STPG2: variants seen among roughly 807,000 people sequenced by gnomAD.
STPG2 encodes the protein sperm-tail PG-rich repeat-containing protein 2.
In STPG2, 56 loss-of-function variants were observed where a neutral mutation model predicts 54.2. That is an observed-to-expected ratio of 1.03 (90% CI 0.83 to 1.29). The LOEUF is 1.29. Among genes scored for constraint, STPG2 ranks in the 50% most tolerant of loss-of-function variants. The pLI, the probability that STPG2 is intolerant of heterozygous loss-of-function variation, is 0.00. For synonymous variants in STPG2, 200 were observed against 181.8 expected (o/e 1.10, Z -0.81); for missense variants, 596 against 544.9 (o/e 1.09, Z -0.93).
intron 4 of STPG2, among the ~76,000 whole-genome samples, chr4:97,487,695 G>A (rs76190746): frequency 0.016 from 2,460 of 151,248 alleles, 63 homozygotes; most frequent in African/African-American, 0.057. Flanking sequence ...ACTAATGGTT[G>A]GATTAAGTTT....
chr4:97,723,454 G>GT (rs754707416), intron 9 of STPG2, among the ~76,000 whole-genome samples: 3 of 152,122 alleles, frequency 2.0e-5, no homozygotes, highest in Non-Finnish European at 4.4e-5. Context: ...AAACATGCAA[G>GT]TGTACCCACT....
rs111720937 is a variant in STPG2 at position 97,972,338 on chromosome 4, C to T, written c.875G>A (p.Arg292Gln). Reference protein sequence around the residue: ...KKSAFGSSVPRTFFSVQKEAC... With the variant: ...KKSAFGSSVPQTFFSVQKEAC... ...TTCTTTCTGAACCGAGAAGAAAGTC[C>T]GAGGAACAGAAGAACCAAATGCACT... Residue 292 changes from arginine (R) to glutamine (Q), a missense_variant, in exon 7 of 11, where the codon CGG (arginine) becomes CAG (glutamine). Coordinates refer to ENST00000295268, the MANE Select transcript of STPG2 (RefSeq NM_174952.3). 1,021 of 1,609,164 alleles carry T rather than the reference C, an allele frequency of 6.3e-4. 5 individuals carry two copies. In the African/African-American group the frequency reaches 0.011, roughly 18 times the overall value.
chr4:97,810,462 CAA>C (rs11386288), intron 9 of STPG2, among the ~76,000 whole-genome samples: 18 of 112,950 alleles, frequency 1.6e-4, no homozygotes, highest in Admixed American at 2.9e-4. Flanking sequence ...GACTCTGTCT[CAA>C]AAAAAAAAAA....
At chr4:97,896,230 G>A (rs1374625293) in intron 8 of STPG2, among the ~76,000 whole-genome samples, 1 of 151,634 alleles carries the variant, frequency 6.6e-6, no homozygotes, top group Non-Finnish European at 1.5e-5. Context: ...TCATCACTGT[G>A]GCAAGAGAGA....
In STPG2 at chr4:97,800,088, C is replaced by T. The variant is rs545364919; in HGVS notation, c.1204+40685G>A. The stretch of plus-strand genomic sequence containing the variant: ...TATTCTAGTTAGCCATTCATCTAAC[C>T]TTTTTTCAAGGTTTTTAGCTTCTTT... On this transcript the variant is annotated intron_variant, in intron 9 of 10. Coordinates refer to ENST00000295268, the MANE Select transcript of STPG2 (RefSeq NM_174952.3). Among the ~76,000 whole-genome samples, 31 of 152,192 alleles carry T rather than the reference C, an allele frequency of 2.0e-4. No individual in the cohort carries two copies. In the East Asian group the frequency reaches 2.3e-3, roughly 11 times the overall value.
intron 4 of STPG2, among the ~76,000 whole-genome samples, chr4:97,493,294 G>C (rs1189664028): frequency 6.6e-6 from 1 of 151,278 alleles, no homozygotes; most frequent in Non-Finnish European, 1.5e-5. Flanking sequence ...CAAATAAACT[G>C]GTTATTGTTA....
At chr4:97,741,514 C>T (rs1457996640) in intron 9 of STPG2, among the ~76,000 whole-genome samples, 3 of 151,758 alleles carry the variant, frequency 2.0e-5, no homozygotes, top group African/African-American at 7.3e-5. Flanking sequence ...AACAAATTTA[C>T]AAGAAAAAAA....
chr4:97,792,825 A>G (rs1032927378), intron 9 of STPG2, among the ~76,000 whole-genome samples: 1 of 152,158 alleles, frequency 6.6e-6, no homozygotes, highest in Non-Finnish European at 1.5e-5. Context: ...ATATACCTGC[A>G]TATCCCCTCA....
intron 8 of STPG2, among the ~76,000 whole-genome samples, chr4:97,874,011 A>G (rs982365730): frequency 6.6e-6 from 1 of 151,584 alleles, no homozygotes; most frequent in African/African-American, 2.4e-5. Context: ...AAATAAAACA[A>G]TGGATAAGTA....
chr4:97,622,702 C>T (rs193257447), intron 10 of STPG2, among the ~76,000 whole-genome samples: 1 of 152,160 alleles, frequency 6.6e-6, no homozygotes, highest in African/African-American at 2.4e-5. Context: ...AAGGAATTTA[C>T]AGACTCAATG....
chr4:97,828,251 G>T (rs1728327321), intron 9 of STPG2, among the ~76,000 whole-genome samples: 1 of 152,154 alleles, frequency 6.6e-6, no homozygotes, highest in African/African-American at 2.4e-5. Context: ...GCCAAAGCAG[G>T]CTGGGGCATC....
chr4:97,975,814 G>T (rs1024490382), intron 6 of STPG2, among the ~76,000 whole-genome samples: 2 of 152,114 alleles, frequency 1.3e-5, no homozygotes, highest in African/African-American at 4.8e-5. Context: ...GTTTGTCCAA[G>T]AACAATCTAC....
chr4:97,540,385 T>A (rs990871068), intron 4 of STPG2, among the ~76,000 whole-genome samples: 1 of 152,100 alleles, frequency 6.6e-6, no homozygotes, highest in Admixed American at 6.6e-5. Context: ...AAGAAATGGA[T>A]AAATTCCTCG....
intron 4 of STPG2, among the ~76,000 whole-genome samples, chr4:97,475,325 C>G (rs1475319908): frequency 2.6e-5 from 4 of 151,252 alleles, no homozygotes; most frequent in African/African-American, 9.7e-5. Flanking sequence ...GGTCATTTAC[C>G]CTTCCTCCAA....
intron 9 of STPG2, among the ~76,000 whole-genome samples, chr4:97,741,047 G>GA (rs1240782525): frequency 6.6e-6 from 1 of 152,028 alleles, no homozygotes; most frequent in Non-Finnish European, 1.5e-5. Flanking sequence ...AGAGCCCTCA[G>GA]AAAAAACACC....
intron 7 of STPG2, among the ~76,000 whole-genome samples, chr4:97,954,992 T>C (rs1375817917): frequency 6.6e-6 from 1 of 152,048 alleles, no homozygotes; most frequent in African/African-American, 2.4e-5. Flanking sequence ...AGAAAAGAAA[T>C]AGTTGAAATC....
chr4:97,707,156 T>A (rs13142828), intron 10 of STPG2, among the ~76,000 whole-genome samples: 1 of 151,856 alleles, frequency 6.6e-6, no homozygotes. Flanking sequence ...TGTAGAAATG[T>A]TGTTGGGGAA....
At chr4:97,573,682 T>C (rs1367980384) in intron 10 of STPG2, among the ~76,000 whole-genome samples, 1 of 152,150 alleles carries the variant, frequency 6.6e-6, no homozygotes, top group African/African-American at 2.4e-5. Context: ...AAATAAATTT[T>C]AAAATGTCCT....
chr4:98,018,077 G>C (rs1290238861), intron 5 of STPG2, among the ~76,000 whole-genome samples: 2 of 151,892 alleles, frequency 1.3e-5, no homozygotes, highest in South Asian at 2.1e-4. Context: ...GTGCAGGTTT[G>C]TTACATATGT....
Sources: allele counts gnomAD v4.1 joint callset (sites outside exome capture counted in the v4.1 genomes callset), GRCh38; gene constraint gnomAD v4.1.1; transcripts MANE v1.5; gene names NCBI Gene and HGNC (gene_info 2026-07-23, HGNC 2026-07-21).